DOCK3: variants seen among roughly 807,000 people sequenced by gnomAD.
DOCK3 encodes the protein dedicator of cytokinesis protein 3.
DOCK3 carries 60 observed loss-of-function variants against 265.6 expected under a neutral mutation model. That is an observed-to-expected ratio of 0.23 (90% CI 0.18 to 0.28). DOCK3 has a LOEUF of 0.28. DOCK3 is among the 10% of genes least tolerant of loss of function. The probability of loss-of-function intolerance (pLI) is 1.00; values close to 1 mark genes in which losing one functional copy is unlikely to be tolerated. For synonymous variants in DOCK3, 881 were observed against 938.0 expected, an observed-to-expected ratio of 0.94 and a Z score of 1.11; for missense variants, 1,981 against 2,594.3, an observed-to-expected ratio of 0.76 and a Z score of 5.14.
intron 24 of DOCK3, among the ~76,000 whole-genome samples, chr3:51,272,362 C>T (rs763906260): frequency 2.0e-5 from 3 of 151,466 alleles, no homozygotes; most frequent in South Asian, 2.1e-4. Flanking sequence ...CCGCAGCCTC[C>T]GCCTCCCAGG....
At chr3:51,030,931 G>GT (rs2080021557) in intron 5 of DOCK3, among the ~76,000 whole-genome samples, 3 of 152,190 alleles carry the variant, frequency 2.0e-5, no homozygotes, top group Non-Finnish European at 4.4e-5. Context: ...CATGCAAAAT[G>GT]TTGGGCTACC....
At chr3:51,061,598 A>T (rs1363370321) in intron 5 of DOCK3, among the ~76,000 whole-genome samples, 1 of 152,048 alleles carries the variant, frequency 6.6e-6, no homozygotes, top group South Asian at 2.1e-4. Context: ...GCATTTGGAG[A>T]TATACCTAAC....
At chr3:51,247,621 C>T (rs1440256734) in intron 22 of DOCK3, among the ~76,000 whole-genome samples, 1 of 152,200 alleles carries the variant, frequency 6.6e-6, no homozygotes, top group African/African-American at 2.4e-5. Context: ...ACTGAAGGGG[C>T]AAAATCAAAT....
intron 45 of DOCK3, 40 bp from the exon 46 acceptor site, chr3:51,357,921 C>T: frequency 6.2e-7 from 1 of 1,613,604 alleles, no homozygotes; most frequent in Non-Finnish European, 8.5e-7. Context: ...TCAGGGGCTA[C>T]TCATGGTTCA....
At chr3:51,252,086 C>T (rs1217140566) in intron 22 of DOCK3, among the ~76,000 whole-genome samples, 1 of 152,126 alleles carries the variant, frequency 6.6e-6, no homozygotes, top group East Asian at 1.9e-4. Context: ...ATATGGCTAG[C>T]CAGTTTTCCC....
In DOCK3 at chr3:51,216,411, G is replaced by C. The variant is rs146197339; in HGVS notation, c.1252+2164G>C. ...AGGTTAAGGGGGTTTTCCCTCCTCC[G>C]GGCAGCTAAGGGATCATCATATGAT... On this transcript the variant is annotated intron_variant, in intron 14 of 52. Coordinates refer to ENST00000266037, the MANE Select transcript of DOCK3 (RefSeq NM_004947.5). 2.6e-5 allele frequency among the ~76,000 whole-genome samples: 4 copies of C among 152,246 alleles called. No individual in the cohort carries two copies. In the South Asian group the frequency reaches 8.3e-4, roughly 32 times the overall value.
chr3:50,915,426 C>T (rs1026008075), intron 4 of DOCK3, among the ~76,000 whole-genome samples: 4 of 152,050 alleles, frequency 2.6e-5, no homozygotes, highest in Admixed American at 1.3e-4. Context: ...CCCTCCCCAG[C>T]GAGAGCAGTC....
At chr3:50,843,961 A>T (rs1031581460) in intron 3 of DOCK3, among the ~76,000 whole-genome samples, 3 of 152,212 alleles carry the variant, frequency 2.0e-5, no homozygotes, top group Non-Finnish European at 2.9e-5. Flanking sequence ...GCGTTTCTAT[A>T]TATCCTTTAT....
chr3:50,737,713 C>G (rs1170215004), intron 1 of DOCK3, among the ~76,000 whole-genome samples: 3 of 152,042 alleles, frequency 2.0e-5, no homozygotes, highest in African/African-American at 7.2e-5. Context: ...CTATGGAATT[C>G]TTCAGTTCAT....
At chr3:51,298,996 C>T (rs2082243473) in intron 27 of DOCK3, among the ~76,000 whole-genome samples, 1 of 152,220 alleles carries the variant, frequency 6.6e-6, no homozygotes, top group African/African-American at 2.4e-5. Context: ...AATCACCACA[C>T]TGTCTTCCAC....
chr3:51,262,817 T>G (rs2079932955), intron 23 of DOCK3, among the ~76,000 whole-genome samples: 1 of 152,068 alleles, frequency 6.6e-6, no homozygotes, highest in Non-Finnish European at 1.5e-5. Context: ...AGAAAGGATA[T>G]CAGAGATTGA....
At chr3:51,013,452 C>A (rs1435826181) in intron 5 of DOCK3, among the ~76,000 whole-genome samples, 1 of 152,196 alleles carries the variant, frequency 6.6e-6, no homozygotes, top group Non-Finnish European at 1.5e-5. Context: ...CCACTCCAGA[C>A]CCTGTTTGCC....
intron 27 of DOCK3, among the ~76,000 whole-genome samples, chr3:51,300,436 T>C (rs953968893): frequency 6.6e-5 from 10 of 152,204 alleles, no homozygotes; most frequent in Non-Finnish European, 1.3e-4. Flanking sequence ...TCCAGTACTA[T>C]GTTGAATAGG....
chr3:51,363,897 T>C (rs2086931616), intron 49 of DOCK3, among the ~76,000 whole-genome samples: 1 of 152,262 alleles, frequency 6.6e-6, no homozygotes, highest in African/African-American at 2.4e-5. Flanking sequence ...TGATGGACAC[T>C]TGGGTTGGTT....
At position 51,270,734 on chromosome 3, in the gene DOCK3, C is replaced by T. The variant is rs2080449554; in HGVS notation, c.2356-81C>T. ...CTACAGTGCCTTCTCAGCCTCTCAC[C>T]ACCTTGTATCATTGTCTGAGCATGA... On this transcript the variant is annotated intron_variant, in intron 23 of 52. Coordinates refer to ENST00000266037, the MANE Select transcript of DOCK3 (RefSeq NM_004947.5). The T allele has an allele frequency of 4.9e-6, 7 of 1,421,944 alleles. No homozygotes were observed. In the South Asian group the frequency reaches 9.9e-5, roughly 20 times the overall value. The allele number at this position is 1,421,944 out of a possible 1,614,324, so 88.1% of individuals were successfully genotyped here.
At position 51,215,296 on chromosome 3, in the gene DOCK3, C is replaced by T. The variant is rs193129101; in HGVS notation, c.1252+1049C>T. 1.4e-4 allele frequency among the ~76,000 whole-genome samples: 21 copies of T among 152,162 alleles called. No individual in the cohort carries two copies. In the East Asian group the frequency reaches 3.7e-3, roughly 27 times the overall value. On this transcript the variant is annotated intron_variant, in intron 14 of 52. Coordinates refer to ENST00000266037, the MANE Select transcript of DOCK3 (RefSeq NM_004947.5). ...CTAATTTTTGTAATTTTTGTAGAGA[C>T]GGTTTCACCATGTTGGCCAGACTGG... is the stretch of plus-strand genomic sequence containing the variant.
At chr3:50,801,278 A>G (rs1156398078) in intron 2 of DOCK3, among the ~76,000 whole-genome samples, 1 of 152,142 alleles carries the variant, frequency 6.6e-6, no homozygotes, top group East Asian at 1.9e-4. Context: ...CACAGGCTAA[A>G]CTAATTCTGA....
intron 4 of DOCK3, among the ~76,000 whole-genome samples, chr3:50,905,629 C>T (rs1325989488): frequency 1.3e-5 from 2 of 152,088 alleles, no homozygotes; most frequent in Admixed American, 6.5e-5. Flanking sequence ...TGAGACTTTG[C>T]TGAAGTTGCT....
chr3:51,213,734 C>T (rs6445549), intron 13 of DOCK3, among the ~76,000 whole-genome samples: 125,093 of 152,076 alleles, frequency 0.82, 52,044 homozygotes, highest in Middle Eastern at 0.9. Context: ...TGAAGGTCTT[C>T]TTTGGTCATG....
Sources: allele counts gnomAD v4.1 joint callset (sites outside exome capture counted in the v4.1 genomes callset), GRCh38; gene constraint gnomAD v4.1.1; transcripts MANE v1.5; gene names NCBI Gene and HGNC (gene_info 2026-07-23, HGNC 2026-07-21).